Variants in DNER observed in about 807,000 individuals in gnomAD.
DNER encodes delta/notch like EGF repeat containing, also known as delta and Notch-like epidermal growth factor-related receptor.
In DNER, 33 loss-of-function variants were observed where a neutral mutation model predicts 78.2. The ratio of observed to expected loss-of-function variants is 0.42; its 90% CI spans 0.32 to 0.56. DNER has a LOEUF of 0.56. Among genes scored for constraint, DNER ranks in the 20% least tolerant of loss-of-function variants. The probability of loss-of-function intolerance (pLI) is 0.11; values close to 1 mark genes in which losing one functional copy is unlikely to be tolerated. For missense variants in DNER, 918 were observed against 975.3 expected, an observed-to-expected ratio of 0.94 and a Z score of 0.78; for synonymous variants, 417 against 384.8, an observed-to-expected ratio of 1.08 and a Z score of -0.98.
chr2:229,506,923 G>C (rs1049887729), intron 6 of DNER, among the ~76,000 whole-genome samples: 1 of 152,116 alleles, frequency 6.6e-6, no homozygotes, highest in African/African-American at 2.4e-5. Context: ...CGTGTTGTTA[G>C]GTGATTTCGT....
chr2:229,407,309 T>C lies in DNER; in HGVS notation c.1646A>G (p.Asn549Ser). The C allele has an allele frequency of 6.2e-7, 1 of 1,613,918 alleles. No individual in the cohort carries two copies. Residue 549 changes from asparagine (N) to serine (S), a missense_variant, in exon 10 of 13, where the codon AAC becomes AGC. By Grantham distance (46) the Asn-to-Ser change is conservative. Coordinates refer to ENST00000341772, the MANE Select transcript of DNER (RefSeq NM_139072.4). ...GGTGGCTCCGTTCAGACAGCTGACG[T>C]TAGCGCAGGGATCCTTGTACAATTC... ...HCELYKDPCA[N>S]VSCLNGATCD...
intron 11 of DNER, among the ~76,000 whole-genome samples, chr2:229,387,529 A>AAGAG (rs1227084574): frequency 6.9e-6 from 1 of 145,842 alleles, no homozygotes; most frequent in Non-Finnish European, 1.5e-5. Context: ...GAAAGAAAGA[A>AAGAG]AGAAAGAAAG....
At chr2:229,623,016 T>C (rs530590728) in intron 1 of DNER, among the ~76,000 whole-genome samples, 3 of 152,308 alleles carry the variant, frequency 2.0e-5, no homozygotes, top group South Asian at 2.1e-4. Flanking sequence ...TGGTCAACCG[T>C]TGGTTTGTGC....
intron 6 of DNER, among the ~76,000 whole-genome samples, chr2:229,492,178 T>C (rs532307748): frequency 6.6e-6 from 1 of 152,234 alleles, no homozygotes; most frequent in South Asian, 2.1e-4. Flanking sequence ...CAGTAAATAA[T>C]TATTGAATGA....
At chr2:229,708,007 A>C (rs1252813436) in intron 1 of DNER, among the ~76,000 whole-genome samples, 1 of 152,168 alleles carries the variant, frequency 6.6e-6, no homozygotes, top group African/African-American at 2.4e-5. Context: ...GGAGTCACTT[A>C]CCCAAGGACA....
chr2:229,445,971 C>CAAATTGCATT, intron 8 of DNER, among the ~76,000 whole-genome samples: 1 of 152,212 alleles, frequency 6.6e-6, no homozygotes, highest in East Asian at 1.9e-4. Flanking sequence ...ATTCAAGTGC[C>CAAATTGCATT]AAATTGCATT....
chr2:229,613,353 C>G (rs1698085642), intron 1 of DNER, among the ~76,000 whole-genome samples: 1 of 152,146 alleles, frequency 6.6e-6, no homozygotes, highest in East Asian at 1.9e-4. Context: ...AGCCAGATCA[C>G]CTGAATTACA....
chr2:229,475,297 A>G (rs1254066451), intron 7 of DNER, among the ~76,000 whole-genome samples: 1 of 152,162 alleles, frequency 6.6e-6, no homozygotes, highest in Non-Finnish European at 1.5e-5. Flanking sequence ...ATGAAGATGA[A>G]AGGCCTTGCG....
chr2:229,609,264 A>G (rs1204609423), intron 1 of DNER, among the ~76,000 whole-genome samples: 2 of 152,108 alleles, frequency 1.3e-5, no homozygotes, highest in African/African-American at 4.8e-5. Context: ...TCATTCAAGC[A>G]CCTTCTCTGT....
intron 7 of DNER, among the ~76,000 whole-genome samples, chr2:229,449,255 T>TA (rs1489667695): frequency 1.3e-5 from 2 of 152,220 alleles, no homozygotes; most frequent in East Asian, 3.8e-4. Context: ...GAAAAGAAGA[T>TA]ACTTAAACAT....
At chr2:229,368,670 T>G (rs1692406325) in intron 11 of DNER, among the ~76,000 whole-genome samples, 11 of 152,270 alleles carry the variant, frequency 7.2e-5, no homozygotes, top group Admixed American at 7.2e-4. Flanking sequence ...TTTCTTATTA[T>G]AAACTAAGCT....
intron 4 of DNER, among the ~76,000 whole-genome samples, chr2:229,558,925 T>A (rs1474740660): frequency 6.6e-6 from 1 of 152,126 alleles, no homozygotes; most frequent in African/African-American, 2.4e-5. Flanking sequence ...AAGATGTGGA[T>A]TCCTTGCCAA....
chr2:229,402,820 C>T (rs550096742), intron 10 of DNER, among the ~76,000 whole-genome samples: 61 of 152,274 alleles, frequency 4.0e-4, no homozygotes, highest in African/African-American at 1.3e-3. Context: ...TGCAAAGCTT[C>T]GGTGACAAGA....
At chr2:229,492,523 G>T (rs993492190) in intron 6 of DNER, among the ~76,000 whole-genome samples, 1 of 152,216 alleles carries the variant, frequency 6.6e-6, no homozygotes, top group African/African-American at 2.4e-5. Flanking sequence ...GGCCCCGAGT[G>T]AAGAGGCCTG....
chr2:229,586,366 C>A (rs997731713), intron 3 of DNER, among the ~76,000 whole-genome samples: 1 of 151,878 alleles, frequency 6.6e-6, no homozygotes, highest in South Asian at 2.1e-4. Flanking sequence ...TGCAACCCAA[C>A]ACAGCCACCT....
At chr2:229,428,380 T>C (rs1693929496) in intron 8 of DNER, among the ~76,000 whole-genome samples, 1 of 151,898 alleles carries the variant, frequency 6.6e-6, no homozygotes, top group Non-Finnish European at 1.5e-5. Flanking sequence ...TGGTAATGAA[T>C]AGAATGTGAA....
In DNER at chr2:229,615,604, C is replaced by T. The variant is rs182387611; in HGVS notation, c.277-23716G>A. On this transcript the variant is annotated intron_variant, in intron 1 of 12. Transcript: ENST00000341772. ...GTGGGCACCTGTAGCCCCAGCTACT[C>T]GGGAGGCTGAGGCAGGAGAATGGTG... Among the ~76,000 whole-genome samples, 600 of 151,922 alleles carry T rather than the reference C, an allele frequency of 3.9e-3. 1 individual carries two copies. Among genetic ancestry groups the T allele is most frequent in the African/African-American group, 0.014 (565 of 41,404 alleles).
chr2:229,557,966 T>C (rs1168700984), intron 4 of DNER, among the ~76,000 whole-genome samples: 2 of 152,220 alleles, frequency 1.3e-5, no homozygotes, highest in East Asian at 1.9e-4. Flanking sequence ...AGCAAAGACA[T>C]GAAATCAGCC....
intron 1 of DNER, among the ~76,000 whole-genome samples, chr2:229,643,026 C>T (rs1381769938): frequency 2.6e-5 from 4 of 151,940 alleles, no homozygotes; most frequent in South Asian, 2.1e-4. Context: ...TGGGTGGTCT[C>T]GAGAGATGGT....
Sources: allele counts gnomAD v4.1 joint callset (sites outside exome capture counted in the v4.1 genomes callset), GRCh38; gene constraint gnomAD v4.1.1; transcripts MANE v1.5; gene names NCBI Gene and HGNC (gene_info 2026-07-23, HGNC 2026-07-21).